Variants in SMIM36 observed in about 807,000 individuals in gnomAD.
SMIM36 encodes small integral membrane protein 36.
chr17:55,515,082 T>A (rs911999727), upstream of SMIM36, among the ~76,000 whole-genome samples: 1 of 131,620 alleles, frequency 7.6e-6, no homozygotes, highest in Admixed American at 8.1e-5. Flanking sequence ...AATTCTAGTC[T>A]AGTGTTTTTT....
chr17:55,476,616 G>A (rs957705675), intron 3 of SMIM36, among the ~76,000 whole-genome samples: 3 of 151,960 alleles, frequency 2.0e-5, no homozygotes, highest in Non-Finnish European at 4.4e-5. Flanking sequence ...TCACCCAGGT[G>A]GAGTGCAGTG....
intron 4 of SMIM36, among the ~76,000 whole-genome samples, chr17:55,465,095 G>T (rs1010489112): frequency 6.6e-6 from 1 of 152,232 alleles, no homozygotes; most frequent in African/African-American, 2.4e-5. Flanking sequence ...AGAGAGCTCT[G>T]TGCTCTGTGT....
chr17:55,518,024 C>T, the SMIM36 span, among the ~76,000 whole-genome samples: 2 of 152,062 alleles, frequency 1.3e-5, no homozygotes, highest in African/African-American at 2.4e-5. Context: ...TCATGAAAAT[C>T]CAGGGAGAAG....
intron 2 of SMIM36, among the ~76,000 whole-genome samples, chr17:55,479,081 AT>A (rs1909474734): frequency 6.6e-6 from 1 of 152,200 alleles, no homozygotes; most frequent in South Asian, 2.1e-4. Flanking sequence ...TCTCCCAGGC[AT>A]TGAGTCAGCT....
At chr17:55,523,728 G>C in the SMIM36 span, among the ~76,000 whole-genome samples, 1 of 152,066 alleles carries the variant, frequency 6.6e-6, no homozygotes, top group Non-Finnish European at 1.5e-5. Context: ...AGTCTCGGCC[G>C]ACTAATACAT....
chr17:55,461,558 T>C (rs1199418285), intron 4 of SMIM36, among the ~76,000 whole-genome samples: 1 of 152,042 alleles, frequency 6.6e-6, no homozygotes, highest in Non-Finnish European at 1.5e-5. Context: ...GCTGTGATCA[T>C]GCCACTGCAC....
chr17:55,519,510 T>A, the SMIM36 span, among the ~76,000 whole-genome samples: 1 of 152,092 alleles, frequency 6.6e-6, no homozygotes, highest in African/African-American at 2.4e-5. Flanking sequence ...ATGACCGGAA[T>A]TGAGATTCTG....
chr17:55,495,906 G>A (rs150412129), intron 1 of SMIM36, among the ~76,000 whole-genome samples: 1 of 152,316 alleles, frequency 6.6e-6, no homozygotes, highest in African/African-American at 2.4e-5. Context: ...TTGATCGTGA[G>A]AGTTGTCAAA....
At chr17:55,518,996 T>G in the SMIM36 span, among the ~76,000 whole-genome samples, 11 of 151,724 alleles carry the variant, frequency 7.3e-5, no homozygotes, top group African/African-American at 2.2e-4. Context: ...TATTTGGGTT[T>G]TTTTTTTTTT....
the SMIM36 span, among the ~76,000 whole-genome samples, chr17:55,522,271 T>A: frequency 1.3e-5 from 2 of 152,224 alleles, no homozygotes; most frequent in Non-Finnish European, 2.9e-5. Flanking sequence ...GCATAGCTGG[T>A]TCCCTGCTTC....
chr17:55,488,638 G>T (rs1055928678), intron 1 of SMIM36, among the ~76,000 whole-genome samples: 1 of 152,124 alleles, frequency 6.6e-6, no homozygotes, highest in African/African-American at 2.4e-5. Flanking sequence ...CTATTCCATT[G>T]TAAAGATGCA....
intron 1 of SMIM36, among the ~76,000 whole-genome samples, chr17:55,491,611 G>A (rs76860142): frequency 0.045 from 6,824 of 152,194 alleles, 562 homozygotes; most frequent in East Asian, 0.38. Context: ...TGAAATATAA[G>A]CATACATTGC....
chr17:55,504,578 G>T (rs796800209), intron 1 of SMIM36, among the ~76,000 whole-genome samples: 1 of 76,036 alleles, frequency 1.3e-5, no homozygotes, highest in Non-Finnish European at 2.2e-5. Flanking sequence ...TCAAAGCAGT[G>T]TGTAGAGGGA....
intron 1 of SMIM36, among the ~76,000 whole-genome samples, chr17:55,493,206 A>G (rs1217704257): frequency 6.6e-6 from 1 of 152,222 alleles, no homozygotes; most frequent in African/African-American, 2.4e-5. Context: ...ATGAGAGGAA[A>G]GATCAGAAAC....
At chr17:55,490,687 T>C (rs1455404787) in intron 1 of SMIM36, among the ~76,000 whole-genome samples, 1 of 152,286 alleles carries the variant, frequency 6.6e-6, no homozygotes, top group African/African-American at 2.4e-5. Flanking sequence ...AGATTCGAAA[T>C]GCTGTGTTAT....
chr17:55,495,724 T>A (rs1909796475), intron 1 of SMIM36, among the ~76,000 whole-genome samples: 1 of 151,914 alleles, frequency 6.6e-6, no homozygotes. Context: ...ACCCCAGAAG[T>A]TCAAGGCTGC....
intron 1 of SMIM36, among the ~76,000 whole-genome samples, chr17:55,501,891 G>T (rs1200019891): frequency 1.2e-5 from 1 of 84,590 alleles, no homozygotes; most frequent in Non-Finnish European, 2.0e-5. Flanking sequence ...GCGAGCCGAA[G>T]CAAGGCATTG....
chr17:55,465,094 T>C (rs1381973484), intron 4 of SMIM36, among the ~76,000 whole-genome samples: 1 of 152,246 alleles, frequency 6.6e-6, no homozygotes, highest in Non-Finnish European at 1.5e-5. Context: ...AAGAGAGCTC[T>C]GTGCTCTGTG....
At chr17:55,525,704 C>T in the SMIM36 span, among the ~76,000 whole-genome samples, 1 of 152,160 alleles carries the variant, frequency 6.6e-6, no homozygotes, top group Non-Finnish European at 1.5e-5. Context: ...GTCATCCAGG[C>T]TGCAGTGCAG....
Sources: allele counts gnomAD v4.1 joint callset (sites outside exome capture counted in the v4.1 genomes callset), GRCh38; gene constraint gnomAD v4.1.1; transcripts MANE v1.5; gene names NCBI Gene and HGNC (gene_info 2026-07-23, HGNC 2026-07-21).